The following HPR variants were observed in gnomAD, a reference collection of about 807,000 sequenced individuals.
The protein encoded by HPR is haptoglobin-related protein.
In HPR, 17 loss-of-function variants were observed where a neutral mutation model predicts 18.5. The observed-to-expected ratio is 0.92, with a 90% CI of 0.63 to 1.38. The LOEUF is 1.38. Among genes scored for constraint, HPR ranks in the 40% most tolerant of loss-of-function variants. HPR has a pLI of 0.00. For missense variants in HPR, 457 were observed against 432.4 expected (o/e 1.06, Z -0.51); for synonymous variants, 176 against 165.0 (o/e 1.07, Z -0.51).
rs757811087 is a variant in HPR at position 72,076,579 on chromosome 16, C to T, written c.545C>T (p.Pro182Leu). ...LVEIEKVVLH[P>L]NYHQVDIGLI... is the part of the protein sequence containing the mutation. ...GAGATTGAGAAGGTGGTTCTACACC[C>T]TAACTACCACCAGGTAGATATTGGG... is the stretch of plus-strand genomic sequence containing the variant. The change falls in exon 5 of 5, where the codon CCT becomes CTT. Residue 182 changes from proline to leucine, a missense_variant. Pro to Leu is a moderately conservative substitution (Grantham distance 98). Coordinates refer to ENST00000540303, the MANE Select transcript of HPR (RefSeq NM_020995.4). 4 of 1,614,172 alleles carry T rather than the reference C, an allele frequency of 2.5e-6. No homozygotes were observed. Among genetic ancestry groups the T allele is most frequent in the South Asian group, 2.2e-5 (2 of 91,078 alleles).
chr16:72,065,463 A>G (rs72787055), intron 1 of HPR, among the ~76,000 whole-genome samples: 9 of 152,282 alleles, frequency 5.9e-5, no homozygotes, highest in Non-Finnish European at 8.8e-5. Context: ...CAAGAAAGAC[A>G]GAGAATAAGA....
At position 72,072,197 on chromosome 16, in the gene HPR, A is replaced by G. The variant is rs1026717551; in HGVS notation, c.6-1695A>G. 2.0e-5 allele frequency among the ~76,000 whole-genome samples: 3 copies of G among 152,038 alleles called. No homozygotes were observed. In the South Asian group the frequency reaches 6.2e-4, roughly 32 times the overall value. ...CTAATTTTGTATTTTTAGTAGAGAC[A>G]GGGTTTCTCCATGATGGTCAGGCTG... On this transcript the variant is annotated intron_variant, in intron 1 of 4. Transcript: ENST00000540303.
At chr16:72,069,692 C>T (rs761381505) in intron 1 of HPR, among the ~76,000 whole-genome samples, 8 of 152,184 alleles carry the variant, frequency 5.3e-5, no homozygotes, top group Non-Finnish European at 8.8e-5. Flanking sequence ...AAACAAGTTA[C>T]AGATAGTTGC....
At position 72,070,676 on chromosome 16, in the gene HPR, G is replaced by A. The variant is rs529691867; in HGVS notation, c.6-3216G>A. On this transcript the variant is annotated intron_variant, in intron 1 of 4. Coordinates refer to ENST00000540303, the MANE Select transcript of HPR (RefSeq NM_020995.4). The stretch of plus-strand genomic sequence containing the variant: ...TCATCTTGTCATCAATGTAACTTGG[G>A]CTAACCATCCTTTAATCCTTCAGTT... 5.3e-4 allele frequency among the ~76,000 whole-genome samples: 80 copies of A among 152,212 alleles called. 3 individuals carry two copies. The highest frequency in any genetic ancestry group is 2.1e-4 in the South Asian group (1 of 4,812).
chr16:72,072,943 A>T (rs1286568688), intron 1 of HPR, among the ~76,000 whole-genome samples: 1 of 152,192 alleles, frequency 6.6e-6, no homozygotes, highest in Non-Finnish European at 1.5e-5. Context: ...TTTCAAGGCC[A>T]GACTTCCTTA....
intron 3 of HPR, 114 bp from the exon 4 acceptor site, chr16:72,075,031 T>C (rs1486839916): frequency 8.2e-7 from 1 of 1,214,396 alleles, no homozygotes; most frequent in Non-Finnish European, 1.2e-6. Context: ...TCTCCCTTCC[T>C]GTCTGCCTCC....
chr16:72,064,105 C>T (rs2041572657), intron 1 of HPR, among the ~76,000 whole-genome samples: 1 of 152,152 alleles, frequency 6.6e-6, no homozygotes, highest in Non-Finnish European at 1.5e-5. Context: ...AGATGGTGAA[C>T]TGGCAGATGG....
At chr16:72,074,032 C>G in intron 2 of HPR, 55 bp downstream of exon 2, 6 of 1,606,398 alleles carry the variant, frequency 3.7e-6, no homozygotes, top group Non-Finnish European at 5.1e-6. Context: ...ACATCCCACT[C>G]TGACTCTCTC....
chr16:72,074,887 C>T (rs1567590589), intron 3 of HPR: 1 of 678,454 alleles, frequency 1.5e-6, no homozygotes, highest in Non-Finnish European at 2.6e-6. Context: ...GGATTTGAAC[C>T]CTGAGCCCTC....
chr16:72,066,348 G>T (rs1252223065), intron 1 of HPR, among the ~76,000 whole-genome samples: 1 of 152,084 alleles, frequency 6.6e-6, no homozygotes, highest in South Asian at 2.1e-4. Flanking sequence ...CTTCTTTTCA[G>T]GGGAGGAAAG....
chr16:72,076,456 C>A lies in HPR; in HGVS notation c.422C>A (p.Thr141Asn), dbSNP rs775198225. 4 of 1,614,060 alleles carry A rather than the reference C, an allele frequency of 2.5e-6. No homozygotes were observed. The East Asian group carries it at 8.9e-5, about 36-fold the overall frequency. Residue 141 changes from threonine (T) to asparagine (N), a missense_variant, in exon 5 of 5, where the codon ACC becomes AAC. Physicochemically the swap from Thr to Asn is moderately conservative, Grantham distance 65. Transcript: ENST00000540303. ...ATLINEQWLL[T>N]TAKNLFLNHS... is the part of the protein sequence containing the mutation. ...CTGATCAATGAACAATGGCTGCTGA[C>A]CACGGCTAAAAATCTCTTCCTGAAC... is the stretch of plus-strand genomic sequence containing the variant.
At chr16:72,076,181 G>A in intron 4 of HPR, 122 bp from the exon 5 acceptor site, 1 of 1,535,554 alleles carries the variant, frequency 6.5e-7, no homozygotes, top group Non-Finnish European at 8.8e-7. Context: ...AGGTGGTAAG[G>A]ACAAAGCATT....
In HPR at chr16:72,076,963, C is replaced by A. The variant is rs772833825; in HGVS notation, c.929C>A (p.Thr310Asn). The A allele has an allele frequency of 6.2e-7, 1 of 1,614,104 alleles. No homozygotes were observed. Among genetic ancestry groups the A allele is most frequent in the Non-Finnish European group, 8.5e-7 (1 of 1,180,040 alleles). The change falls in exon 5 of 5, where the codon ACC (threonine) becomes AAC (asparagine). Residue 310 changes from threonine to asparagine, a missense_variant. Thr to Asn is a moderately conservative substitution (Grantham distance 65). Coordinates refer to ENST00000540303, the MANE Select transcript of HPR (RefSeq NM_020995.4). ...AFAVHDLEEDTWYAAGILSFD... is the reference protein window; with the variant it reads ...AFAVHDLEEDNWYAAGILSFD... The stretch of plus-strand genomic sequence containing the variant: ...GCCGTTCACGACCTGGAGGAGGACA[C>A]CTGGTACGCGGCTGGGATCCTAAGC...
chr16:72,073,245 G>A (rs1233184391), intron 1 of HPR, among the ~76,000 whole-genome samples: 3 of 152,128 alleles, frequency 2.0e-5, no homozygotes, highest in African/African-American at 7.2e-5. Flanking sequence ...TCCTTTGTTC[G>A]GGGTGCTCTC....
intron 1 of HPR, among the ~76,000 whole-genome samples, chr16:72,065,334 CA>C (rs1489950477): frequency 6.6e-6 from 1 of 151,918 alleles, no homozygotes; most frequent in Non-Finnish European, 1.5e-5. Context: ...CAGAAAGCTC[CA>C]GACAGATAAA....
chr16:72,074,898 C>T, intron 3 of HPR: 1 of 702,706 alleles, frequency 1.4e-6, no homozygotes, highest in Non-Finnish European at 2.5e-6. Flanking sequence ...CTGAGCCCTC[C>T]CTGTACTGCC....
chr16:72,076,692 G>T lies in HPR; in HGVS notation c.658G>T (p.Val220Leu). Residue 220 changes from valine (V) to leucine (L), a missense_variant, in exon 5 of 5, where the codon GTG (valine) becomes TTG (leucine). Physicochemically the swap from Val to Leu is conservative, Grantham distance 32. Transcript: ENST00000540303. ...AAAGAATTATGCAGAAGTAGGGCGT[G>T]TGGGTTACGTGTCTGGCTGGGGACA... is the stretch of plus-strand genomic sequence containing the variant. ...PSKNYAEVGR[V>L]GYVSGWGQSD... is the part of the protein sequence containing the mutation. 6.2e-7 allele frequency: 1 copy of T among 1,614,212 alleles called. No individual in the cohort carries two copies. The highest frequency in any genetic ancestry group is 1.1e-5 in the South Asian group (1 of 91,082).
intron 2 of HPR, 152 bp from the exon 3 acceptor site, chr16:72,074,132 T>G (rs2041689990): frequency 8.0e-7 from 1 of 1,244,390 alleles, no homozygotes; most frequent in Non-Finnish European, 1.2e-6. Context: ...TTGGGGATCC[T>G]GCCAGAAATG....
chr16:72,073,770 G>T, intron 1 of HPR, 122 bp from the exon 2 acceptor site: 2 of 1,590,446 alleles, frequency 1.3e-6, no homozygotes, highest in South Asian at 2.2e-5. Context: ...GGAGGAGTGT[G>T]TGTGTATGCA....
Sources: allele counts gnomAD v4.1 joint callset (sites outside exome capture counted in the v4.1 genomes callset), GRCh38; gene constraint gnomAD v4.1.1; transcripts MANE v1.5; gene names NCBI Gene and HGNC (gene_info 2026-07-23, HGNC 2026-07-21).